Variants in POT1 observed in about 807,000 individuals in gnomAD.
POT1 encodes the protein protection of telomeres 1.
A neutral mutation model predicts 78.5 loss-of-function variants in POT1; 47 were observed. The observed-to-expected ratio is 0.60, with a 90% confidence interval of 0.47 to 0.76. The LOEUF is 0.76. POT1 is among the 30% of genes least tolerant of loss of function. POT1 has a pLI of 0.00. For missense variants in POT1, 646 were observed against 749.9 expected, an observed-to-expected ratio of 0.86 and a Z score of 1.62; for synonymous variants, 259 against 260.7, an observed-to-expected ratio of 0.99 and a Z score of 0.06.
chr7:124,877,437 G>C (rs986648360), intron 6 of POT1, among the ~76,000 whole-genome samples: 2 of 152,036 alleles, frequency 1.3e-5, no homozygotes, highest in African/African-American at 2.4e-5. Context: ...ACGGACAATA[G>C]TAATGGATCT....
Position 124,863,384 on chromosome 7 carries a change from T to C in POT1, c.512A>G (p.Lys171Arg), listed in dbSNP as rs1284442583. 7 of 1,613,586 alleles carry C rather than the reference T, an allele frequency of 4.3e-6. No individual in the cohort carries two copies. Among genetic ancestry groups the C allele is most frequent in the Non-Finnish European group, 5.9e-6 (7 of 1,179,816 alleles). The part of the protein sequence containing the change: ...YFDLTCQLLG[K>R]AEVDGASFLL... The stretch of plus-strand genomic sequence containing the variant: ...AAATGATGCTCCGTCCACTTCTGCT[T>C]TGCCCAAGAGCTGACAAGTCAGGTC... Residue 171 changes from lysine to arginine, a missense_variant, in exon 8 of 19, where the codon AAA becomes AGA. This residue lies in a region of POT1 where 252 missense variants were observed against 341.4 expected (regional missense o/e 0.74). Coordinates refer to ENST00000357628, the MANE Select transcript of POT1 (RefSeq NM_015450.3).
intron 5 of POT1, among the ~76,000 whole-genome samples, chr7:124,895,903 C>A (rs974606388): frequency 1.3e-5 from 2 of 151,498 alleles, no homozygotes; most frequent in Non-Finnish European, 3.0e-5. Flanking sequence ...GCCTTCAGAT[C>A]ACATAAGTGG....
intron 17 of POT1, 21 bp from the exon 18 acceptor site, chr7:124,825,378 G>T (rs1452740180): frequency 1.5e-6 from 2 of 1,377,638 alleles, no homozygotes; most frequent in African/African-American, 1.5e-5. Context: ...TTTCATGAGA[G>T]AAAAAAAAAG....
intron 10 of POT1, 42 bp from the exon 11 acceptor site, chr7:124,851,993 G>A: frequency 7.4e-7 from 1 of 1,343,090 alleles, no homozygotes; most frequent in Non-Finnish European, 1.1e-6. Flanking sequence ...ATAAAACAAA[G>A]TCAATATAGT....
At chr7:124,881,288 A>C (rs1282194508) in intron 6 of POT1, among the ~76,000 whole-genome samples, 1 of 152,004 alleles carries the variant, frequency 6.6e-6, no homozygotes, top group South Asian at 2.1e-4. Flanking sequence ...GCCACGTATC[A>C]GGTTTCTACA....
intron 6 of POT1, among the ~76,000 whole-genome samples, chr7:124,887,848 T>C (rs2116617812): frequency 1.3e-5 from 2 of 152,280 alleles, no homozygotes; most frequent in South Asian, 4.1e-4. Flanking sequence ...GTGAAGTGTG[T>C]GTTTCTGTTC....
At chr7:124,894,946 C>A (rs1046150538) in intron 5 of POT1, among the ~76,000 whole-genome samples, 2 of 151,676 alleles carry the variant, frequency 1.3e-5, no homozygotes, top group African/African-American at 2.4e-5. Flanking sequence ...TAGTTTCACA[C>A]TGCTGGTGCA....
chr7:124,851,807 A>C (rs1732850216), intron 11 of POT1, 65 bp downstream of exon 11: 1 of 1,103,914 alleles, frequency 9.1e-7, no homozygotes, highest in African/African-American at 1.5e-5. Context: ...ATTACAAAGA[A>C]TTATGTTGAT....
intron 6 of POT1, among the ~76,000 whole-genome samples, chr7:124,871,717 G>C (rs1795874205): frequency 7.0e-6 from 1 of 142,226 alleles, no homozygotes; most frequent in Non-Finnish European, 1.5e-5. Flanking sequence ...AACTGTAATA[G>C]ATCCTGCCTT....
chr7:124,828,483 A>G (rs1265628291), intron 16 of POT1, among the ~76,000 whole-genome samples: 1 of 152,198 alleles, frequency 6.6e-6, no homozygotes, highest in African/African-American at 2.4e-5. Flanking sequence ...TAACAGGGAA[A>G]GTAAGAATAA....
chr7:124,879,647 A>C (rs1796072412), intron 6 of POT1, among the ~76,000 whole-genome samples: 1 of 152,138 alleles, frequency 6.6e-6, no homozygotes, highest in South Asian at 2.1e-4. Context: ...GAAAAGAAGA[A>C]TGCAATAGGA....
chr7:124,824,213 AATTTAAC>A, intron 18 of POT1, 139 bp from the exon 19 acceptor site: 1 of 564,544 alleles, frequency 1.8e-6, no homozygotes, highest in Non-Finnish European at 3.1e-6. Flanking sequence ...GTCCCTTCCA[AATTTAAC>A]ATTATTCTCT....
At chr7:124,859,230 C>A in intron 8 of POT1, 118 bp from the exon 9 acceptor site, 1 of 622,556 alleles carries the variant, frequency 1.6e-6, no homozygotes, top group South Asian at 4.3e-5. Context: ...AATATTGGCA[C>A]TATTTTAAAT....
intron 12 of POT1, among the ~76,000 whole-genome samples, chr7:124,843,569 A>C (rs534389156): frequency 6.6e-5 from 10 of 152,224 alleles, no homozygotes; most frequent in African/African-American, 2.4e-4. Context: ...TGGAAAAAAA[A>C]CTCAGACAAA....
intron 16 of POT1, chr7:124,828,895 T>TAC: frequency 1.8e-6 from 1 of 542,680 alleles, no homozygotes; most frequent in Admixed American, 1.9e-5. Flanking sequence ...GTGTCCAGTT[T>TAC]CAGGTAAATA....
chr7:124,913,908 GGTGGATCAC>G (rs1368467943), intron 3 of POT1, among the ~76,000 whole-genome samples: 2 of 151,948 alleles, frequency 1.3e-5, no homozygotes, highest in Non-Finnish European at 2.9e-5. Context: ...GGCCGAGGTG[GGTGGATCAC>G]GAGGTCAGGA....
At chr7:124,883,391 T>C (rs140406936) in intron 6 of POT1, among the ~76,000 whole-genome samples, 277 of 152,248 alleles carry the variant, frequency 1.8e-3, no homozygotes, top group Admixed American at 3.1e-3. Context: ...CATTAATTTA[T>C]CTGTCTTCAC....
intron 14 of POT1, 150 bp from the exon 15 acceptor site, chr7:124,835,564 T>G: frequency 1.1e-6 from 1 of 870,038 alleles, no homozygotes; most frequent in Non-Finnish European, 1.7e-6. Flanking sequence ...AATTTGTAAA[T>G]GTACAATCCT....
At chr7:124,893,728 G>A (rs1224924784) in intron 5 of POT1, among the ~76,000 whole-genome samples, 1 of 151,526 alleles carries the variant, frequency 6.6e-6, no homozygotes, top group Non-Finnish European at 1.5e-5. Flanking sequence ...AACTATGCTT[G>A]CCCAAGGACT....
Sources: allele counts gnomAD v4.1 joint callset (sites outside exome capture counted in the v4.1 genomes callset), GRCh38; gene constraint gnomAD v4.1.1; regional missense constraint gnomAD v4.1.1; transcripts MANE v1.5; gene names NCBI Gene and HGNC (gene_info 2026-07-23, HGNC 2026-07-21).